The following CAND2 variants were observed in gnomAD, a reference collection of about 807,000 sequenced individuals.
CAND2 encodes the protein cullin associated and neddylation dissociated 2 (putative), also known as cullin-associated NEDD8-dissociated protein 2.
A neutral mutation model predicts 98.9 loss-of-function variants in CAND2; 62 were observed. The observed-to-expected ratio is 0.63, with a 90% CI of 0.51 to 0.77. The LOEUF (loss-of-function observed/expected upper bound fraction) is 0.77. Among genes scored for constraint, CAND2 ranks in the 30% least tolerant of loss-of-function variants. CAND2 has a pLI of 0.00. For synonymous variants in CAND2, 770 were observed against 731.9 expected (o/e 1.05, Z -0.84); for missense variants, 1,501 against 1,655.2 (o/e 0.91, Z 1.62).
At chr3:12,809,624 G>C (rs1168854161) in intron 4 of CAND2, among the ~76,000 whole-genome samples, 2 of 152,234 alleles carry the variant, frequency 1.3e-5, no homozygotes, top group Admixed American at 6.5e-5. Flanking sequence ...CCAGAGCTCA[G>C]CATCTCCAAA....
chr3:12,831,531 G>A lies in CAND2; in HGVS notation c.3442G>A (p.Asp1148Asn). The A allele has an allele frequency of 6.2e-7, 1 of 1,613,850 alleles. No individual in the cohort carries two copies. Among genetic ancestry groups the A allele is most frequent in the Non-Finnish European group, 8.5e-7 (1 of 1,179,908 alleles). Residue 1148 changes from aspartate (D) to asparagine (N), a missense_variant, in exon 14 of 15, where the codon GAC becomes AAC. By Grantham distance (23) the Asp-to-Asn change is conservative (BLOSUM62 1). Around this residue, in one of 3 missense-constraint regions of CAND2, gnomAD observed 1,427 missense variants for 1,545.3 expected, o/e 0.92. Transcript: ENST00000456430. ...TCCTGCACCTGTCCTGCAGAGGGTGGACCGACTCATTGAGCCACTAAGGGC... is the reference window on the plus strand; with the variant it reads ...TCCTGCACCTGTCCTGCAGAGGGTGAACCGACTCATTGAGCCACTAAGGGC... ...LCPAPVLQRV[D>N]RLIEPLRATC...
At chr3:12,819,819 G>T (rs1032328959) in intron 10 of CAND2, among the ~76,000 whole-genome samples, 1 of 152,234 alleles carries the variant, frequency 6.6e-6, no homozygotes, top group Non-Finnish European at 1.5e-5. Flanking sequence ...TGTTGGAGCA[G>T]TTCCTGTCTT....
At chr3:12,823,560 C>G (rs893736592) in intron 11 of CAND2, among the ~76,000 whole-genome samples, 2 of 152,134 alleles carry the variant, frequency 1.3e-5, no homozygotes, top group Non-Finnish European at 2.9e-5. Context: ...AACCCCGTCT[C>G]TACTAAAAAT....
At chr3:12,804,875 G>C (rs1466987082) in intron 2 of CAND2, among the ~76,000 whole-genome samples, 3 of 152,160 alleles carry the variant, frequency 2.0e-5, no homozygotes, top group Non-Finnish European at 4.4e-5. Context: ...TTCAGTAAAG[G>C]GTTTTATGTA....
rs769186357 is a variant in CAND2 at position 12,815,842 on chromosome 3, C to G, written c.1300-25C>G. The G allele has an allele frequency of 2.5e-6, 4 of 1,606,532 alleles. No individual in the cohort carries two copies. Among genetic ancestry groups the G allele is most frequent in the Non-Finnish European group, 1.7e-6 (2 of 1,174,992 alleles). On this transcript the variant is annotated intron_variant, in intron 8 of 14. Transcript: ENST00000456430. The surrounding 1 kb of genome is among the most constrained non-coding windows in gnomAD (Gnocchi z 5.7). ...GTAGGTTTCTTGGGTGTTCCCTGAC[C>G]TTGACTTCCCCCTCCTGCCCACAGG...
rs1206152659 is a variant in CAND2, at chr3:12,834,204, C to T, written c.*222C>T. ...GCCAACAGTTGGGCCCCTTCCTTAA[C>T]TCAGGACAGTCATCCAAAGAAATAG... On this transcript the variant is annotated 3_prime_UTR_variant, in exon 15 of 15. Coordinates refer to ENST00000456430, the MANE Select transcript of CAND2 (RefSeq NM_001162499.2). 2 of 576,308 alleles carry T rather than the reference C, an allele frequency of 3.5e-6. No homozygotes were observed. Among genetic ancestry groups the T allele is most frequent in the Admixed American group, 6.0e-5 (2 of 33,238 alleles). 35.7% of individuals were successfully genotyped at this position (576,308 alleles called of 1,614,324 possible). A position where few individuals can be genotyped will look rare whatever the true frequency, so the allele number is the denominator to read the frequency against.
Position 12,820,083 on chromosome 3 carries a change from C to T in CAND2, c.2945-3C>T. ...CACTAACTCACCTCTTCTTGTCCTG[C>T]AGGTCGGCCACACACCCGGAGCACC... On this transcript the variant is annotated splice_region_variant and splice_polypyrimidine_tract_variant and intron_variant, in intron 10 of 14. Coordinates refer to ENST00000456430, the MANE Select transcript of CAND2 (RefSeq NM_001162499.2). 6.2e-7 allele frequency: 1 copy of T among 1,613,640 alleles called. No individual in the cohort carries two copies. Among genetic ancestry groups the T allele is most frequent in the Non-Finnish European group, 8.5e-7 (1 of 1,179,564 alleles).
chr3:12,812,390 A>ATTTTTTT (rs35620069), intron 5 of CAND2, among the ~76,000 whole-genome samples: 3 of 66,730 alleles, frequency 4.5e-5, no homozygotes, highest in Non-Finnish European at 2.7e-5. Flanking sequence ...TGCCCGGCTA[A>ATTTTTTT]TTTTTTTTTT....
chr3:12,804,625 T>C (rs1411683166), intron 2 of CAND2, among the ~76,000 whole-genome samples: 1 of 152,216 alleles, frequency 6.6e-6, no homozygotes, highest in Non-Finnish European at 1.5e-5. Context: ...GTGGGGATGC[T>C]TGTGTGGTAG....
chr3:12,803,792 C>T (rs9835602), intron 2 of CAND2, among the ~76,000 whole-genome samples, 161 bp downstream of exon 2: 2,996 of 152,082 alleles, frequency 0.02, 94 homozygotes, highest in African/African-American at 0.068. Context: ...GATGCTGAGA[C>T]AAGGATTCAA....
At chr3:12,804,895 C>T (rs1162030099) in intron 2 of CAND2, among the ~76,000 whole-genome samples, 1 of 152,170 alleles carries the variant, frequency 6.6e-6, no homozygotes, top group African/African-American at 2.4e-5. Flanking sequence ...AGGAAGGTGA[C>T]ATGGACAAGT....
At chr3:12,806,539 C>T (rs544023267) in intron 2 of CAND2, among the ~76,000 whole-genome samples, 7 of 152,184 alleles carry the variant, frequency 4.6e-5, no homozygotes, top group African/African-American at 1.7e-4. Flanking sequence ...TTAGAATCAC[C>T]TGGGGAATTT....
At chr3:12,807,226 A>T (rs1223790037) in intron 2 of CAND2, 80 bp from the exon 3 acceptor site, 1 of 1,348,390 alleles carries the variant, frequency 7.4e-7, no homozygotes, top group Non-Finnish European at 1.0e-6. Context: ...TGGCCGCAGG[A>T]GCATGAGGGG....
At chr3:12,807,018 G>A (rs566071144) in intron 2 of CAND2, 4 of 303,696 alleles carry the variant, frequency 1.3e-5, no homozygotes, top group Admixed American at 9.5e-5. Flanking sequence ...AAACAAGCCC[G>A]CCAGGGGATT....
chr3:12,820,394 C>T (rs950390680), intron 11 of CAND2, among the ~76,000 whole-genome samples: 30 of 152,220 alleles, frequency 2.0e-4, no homozygotes, highest in Non-Finnish European at 8.8e-5. Context: ...TGTGGCATGC[C>T]CATCACACCT....
intron 2 of CAND2, 62 bp from the exon 3 acceptor site, chr3:12,807,244 G>C: frequency 1.3e-6 from 2 of 1,491,640 alleles, no homozygotes; most frequent in African/African-American, 1.4e-5. Context: ...GGGACATAAA[G>C]GGGCAGCCTG....
chr3:12,827,356 T>C (rs1205804320), intron 12 of CAND2, 84 bp from the exon 13 acceptor site: 5 of 1,330,382 alleles, frequency 3.8e-6, no homozygotes, highest in Non-Finnish European at 5.3e-6. Context: ...GATTGTGGAA[T>C]AGAGATGTGG....
intron 1 of CAND2, among the ~76,000 whole-genome samples, chr3:12,800,688 G>A (rs984119348): frequency 2.0e-5 from 3 of 152,084 alleles, no homozygotes; most frequent in Non-Finnish European, 4.4e-5. Flanking sequence ...CAAATATTCT[G>A]TTTTCAAGAT....
chr3:12,831,977 T>C (rs2062057205), intron 14 of CAND2, among the ~76,000 whole-genome samples: 1 of 152,240 alleles, frequency 6.6e-6, no homozygotes, highest in African/African-American at 2.4e-5. Context: ...AGGACAAAGC[T>C]GCTGCTAGAC....
Sources: gnomAD v4.1 joint callset for allele counts (sites outside exome capture counted in the v4.1 genomes callset) on GRCh38, gnomAD v4.1.1 for gene constraint, gnomAD v4.1.1 regional missense constraint, Gnocchi (gnomAD v3.1) non-coding constraint, MANE v1.5 for transcripts, NCBI Gene and HGNC (gene_info 2026-07-23, HGNC 2026-07-21) for gene names.